Variants in ATG7 observed in about 807,000 individuals in gnomAD.
ATG7 encodes the protein autophagy related 7.
In ATG7, 70 loss-of-function variants were observed where a neutral mutation model predicts 82.4. That is an observed-to-expected ratio of 0.85 (90% CI 0.70 to 1.04). The LOEUF (loss-of-function observed/expected upper bound fraction) is 1.04, where lower values mean the gene tolerates loss of function less well. ATG7 is among the 50% of genes least tolerant of loss of function. ATG7 has a pLI of 0.00. For synonymous variants in ATG7, 287 were observed against 313.0 expected (o/e 0.92, Z 0.88); for missense variants, 792 against 864.3 (o/e 0.92, Z 1.05).
intron 20 of ATG7, among the ~76,000 whole-genome samples, chr3:11,471,725 T>C (rs2087543259): frequency 6.9e-6 from 1 of 144,194 alleles, no homozygotes; most frequent in Non-Finnish European, 1.5e-5. Context: ...AAGTACTTCA[T>C]AGATTGGCTT....
chr3:11,573,247 GAAAGAAAGAAAGAAAGAA>G, the ATG7 span, among the ~76,000 whole-genome samples: 7 of 47,796 alleles, frequency 1.5e-4, no homozygotes, highest in Admixed American at 2.2e-4. Context: ...AAGAAATAGA[GAAAGAAAGAAAGAAAGAA>G]AGAAAGAAAG....
intron 20 of ATG7, among the ~76,000 whole-genome samples, chr3:11,519,707 C>T (rs547404161): frequency 7.9e-5 from 12 of 151,500 alleles, no homozygotes; most frequent in Admixed American, 7.2e-4. Flanking sequence ...CCACAGGCGC[C>T]CGTCACCGCG....
chr3:11,490,722 C>G (rs1413611508), intron 20 of ATG7, among the ~76,000 whole-genome samples: 1 of 152,040 alleles, frequency 6.6e-6, no homozygotes, highest in East Asian at 1.9e-4. Context: ...ATTTCTCCTT[C>G]ACTTATGAAG....
In ATG7 at chr3:11,448,666, G is replaced by A. The variant is rs534854156; in HGVS notation, c.2079+21740G>A. 2.7e-3 allele frequency among the ~76,000 whole-genome samples: 410 copies of A among 152,328 alleles called. 2 individuals carry two copies. Among genetic ancestry groups the A allele is most frequent in the African/African-American group, 9.5e-3 (396 of 41,580 alleles). ...AATGATGGAGGCAAAGCTGGTTGTTGTTGAACAAATTGCTGCCAGATGTAG... is the reference window on the plus strand; with the variant it reads ...AATGATGGAGGCAAAGCTGGTTGTTATTGAACAAATTGCTGCCAGATGTAG... On this transcript the variant is annotated intron_variant, in intron 20 of 20. Transcript: ENST00000693202.
intron 20 of ATG7, among the ~76,000 whole-genome samples, chr3:11,533,027 C>T (rs1341345804): frequency 6.6e-6 from 1 of 152,168 alleles, no homozygotes. Context: ...AGAAGCAAGC[C>T]CCAGCCTGAG....
intron 20 of ATG7, among the ~76,000 whole-genome samples, chr3:11,547,469 G>A (rs2071394040): frequency 1.3e-5 from 2 of 152,144 alleles, no homozygotes; most frequent in South Asian, 4.2e-4. Flanking sequence ...ACTTTCCTAT[G>A]AATACTACTG....
chr3:11,428,645 G>A (rs905800275), intron 20 of ATG7, among the ~76,000 whole-genome samples: 4 of 152,194 alleles, frequency 2.6e-5, no homozygotes, highest in South Asian at 2.1e-4. Flanking sequence ...CCCAGGCAGG[G>A]TTCAGAACAT....
At chr3:11,535,547 G>T (rs1006724245) in intron 20 of ATG7, among the ~76,000 whole-genome samples, 8 of 152,108 alleles carry the variant, frequency 5.3e-5, no homozygotes, top group African/African-American at 9.7e-5. Context: ...CCTGCCTGGG[G>T]ACTCTCAGGC....
At chr3:11,356,367 C>T (rs773556041) in intron 14 of ATG7, among the ~76,000 whole-genome samples, 3 of 152,100 alleles carry the variant, frequency 2.0e-5, no homozygotes, top group Admixed American at 2.0e-4. Context: ...TGCCTGGGCT[C>T]ATTCTTAGAG....
chr3:11,437,923 G>A (rs550932091), intron 20 of ATG7, among the ~76,000 whole-genome samples: 2 of 152,132 alleles, frequency 1.3e-5, no homozygotes, highest in South Asian at 2.1e-4. Flanking sequence ...CTAAAATCCA[G>A]TACATGTCCG....
intron 20 of ATG7, among the ~76,000 whole-genome samples, chr3:11,486,368 G>A (rs1290718414): frequency 1.3e-5 from 2 of 152,200 alleles, no homozygotes; most frequent in Non-Finnish European, 2.9e-5. Flanking sequence ...GAATGCTTGT[G>A]ATTTTTGCAC....
chr3:11,327,145 A>T (rs1197161665), intron 9 of ATG7, among the ~76,000 whole-genome samples: 1 of 152,142 alleles, frequency 6.6e-6, no homozygotes, highest in Non-Finnish European at 1.5e-5. Flanking sequence ...ATACTTGCTG[A>T]CTCTCAGGCA....
intron 7 of ATG7, among the ~76,000 whole-genome samples, chr3:11,310,745 G>C (rs1948525976): frequency 6.6e-6 from 1 of 151,166 alleles, no homozygotes; most frequent in African/African-American, 2.4e-5. Context: ...CCATTCTCCT[G>C]CCTCAGCCTC....
chr3:11,426,509 T>G (rs2082376880), intron 19 of ATG7, among the ~76,000 whole-genome samples: 2 of 152,170 alleles, frequency 1.3e-5, no homozygotes, highest in African/African-American at 4.8e-5. Context: ...CCACTGAACT[T>G]TAGAGCCACT....
At chr3:11,301,190 G>A (rs1946729911) in intron 5 of ATG7, among the ~76,000 whole-genome samples, 1 of 152,138 alleles carries the variant, frequency 6.6e-6, no homozygotes, top group African/African-American at 2.4e-5. Flanking sequence ...GTCAATGCGA[G>A]GGCCACTGTG....
chr3:11,388,143 C>T (rs2078458828), intron 19 of ATG7, among the ~76,000 whole-genome samples: 1 of 152,078 alleles, frequency 6.6e-6, no homozygotes, highest in Non-Finnish European at 1.5e-5. Flanking sequence ...CCATGGCTGC[C>T]CCTATGGCTT....
chr3:11,426,170 C>T (rs1181710744), intron 19 of ATG7, among the ~76,000 whole-genome samples: 2 of 152,086 alleles, frequency 1.3e-5, no homozygotes, highest in African/African-American at 4.8e-5. Flanking sequence ...GGCATAGAGT[C>T]CTGGTTGTTC....
intron 18 of ATG7, among the ~76,000 whole-genome samples, chr3:11,377,447 GTGT>G (rs769586140): frequency 5.7e-4 from 87 of 152,214 alleles, no homozygotes; most frequent in Non-Finnish European, 9.0e-4. Context: ...ACCTGTGGTG[GTGT>G]TGTTGTTTTT....
chr3:11,452,832 T>G (rs1033289377), intron 20 of ATG7, among the ~76,000 whole-genome samples: 1 of 152,168 alleles, frequency 6.6e-6, no homozygotes, highest in African/African-American at 2.4e-5. Flanking sequence ...TTCTTTTTAG[T>G]ATTTTTTTAA....
Sources: gnomAD v4.1 joint callset for allele counts (sites outside exome capture counted in the v4.1 genomes callset) on GRCh38, gnomAD v4.1.1 for gene constraint, MANE v1.5 for transcripts, NCBI Gene and HGNC (gene_info 2026-07-23, HGNC 2026-07-21) for gene names.